STPG2: variants seen among roughly 807,000 people sequenced by gnomAD.
STPG2 encodes the protein sperm-tail PG-rich repeat-containing protein 2.
STPG2 carries 56 observed loss-of-function variants against 54.2 expected under a neutral mutation model. That is an observed-to-expected ratio of 1.03 (90% CI 0.83 to 1.29). The LOEUF is 1.29. STPG2 is among the 50% of genes most tolerant of loss of function. The pLI is 0.00. For synonymous variants in STPG2, 200 were observed against 181.8 expected, an observed-to-expected ratio of 1.10 and a Z score of -0.81; for missense variants, 596 against 544.9, an observed-to-expected ratio of 1.09 and a Z score of -0.93.
In STPG2 at chr4:97,449,077, AAAAAT is replaced by A. The variant is rs530980118; in HGVS notation, c.463-261249_463-261245del. ...ATATAATTTAAACTATACAAAAGTA[AAAAAT>A]AAAATAAAATATATAAAAGTTACAA... On this transcript the variant is annotated intron_variant, in intron 4 of 4. Transcript: ENST00000522676. 4.2e-3 allele frequency among the ~76,000 whole-genome samples: 643 copies of A among 152,082 alleles called. 3 individuals are homozygous for A. Among genetic ancestry groups the A allele is most frequent in the South Asian group, 0.02 (97 of 4,822 alleles).
At chr4:97,938,688 C>A (rs72686455) in intron 8 of STPG2, among the ~76,000 whole-genome samples, 176 of 152,298 alleles carry the variant, frequency 1.2e-3, no homozygotes, top group Non-Finnish European at 2.0e-3. Context: ...CTCACTGCCT[C>A]CCTTGGCTGG....
At chr4:97,564,175 T>C (rs1374311063) in intron 10 of STPG2, among the ~76,000 whole-genome samples, 1 of 152,172 alleles carries the variant, frequency 6.6e-6, no homozygotes, top group African/African-American at 2.4e-5. Flanking sequence ...TTGATCCCTT[T>C]ACCATTATGT....
intron 10 of STPG2, among the ~76,000 whole-genome samples, chr4:97,658,185 T>C (rs541745670): frequency 3.9e-5 from 6 of 152,322 alleles, no homozygotes; most frequent in South Asian, 2.1e-4. Flanking sequence ...ATAGCTGCTA[T>C]AATGTGCTTT....
chr4:97,779,407 A>G (rs1403667224), intron 9 of STPG2, among the ~76,000 whole-genome samples: 1 of 152,210 alleles, frequency 6.6e-6, no homozygotes, highest in Non-Finnish European at 1.5e-5. Flanking sequence ...GAAATGAACA[A>G]AGCCTCCAAG....
At chr4:98,068,911 T>C (rs1489957259) in intron 5 of STPG2, among the ~76,000 whole-genome samples, 3 of 152,088 alleles carry the variant, frequency 2.0e-5, no homozygotes, top group African/African-American at 7.2e-5. Context: ...TACCTAAACA[T>C]AGAAAAAGTA....
At chr4:97,809,772 GATTTCAAC>G (rs1165263755) in intron 9 of STPG2, among the ~76,000 whole-genome samples, 1 of 152,086 alleles carries the variant, frequency 6.6e-6, no homozygotes, top group East Asian at 1.9e-4. Context: ...TCAACATCTT[GATTTCAAC>G]ATTTTGAGAG....
intron 9 of STPG2, among the ~76,000 whole-genome samples, chr4:97,745,207 CATT>C (rs1725384106): frequency 6.9e-6 from 1 of 144,778 alleles, no homozygotes; most frequent in Non-Finnish European, 1.5e-5. Flanking sequence ...AAATTTAAGT[CATT>C]ATTACCTTTC....
At chr4:97,864,199 C>T (rs1729672638) in intron 8 of STPG2, among the ~76,000 whole-genome samples, 2 of 152,026 alleles carry the variant, frequency 1.3e-5, no homozygotes, top group Non-Finnish European at 2.9e-5. Flanking sequence ...CTAGAAAACC[C>T]CATTGACTCA....
At chr4:97,770,715 A>G (rs1031393154) in intron 9 of STPG2, among the ~76,000 whole-genome samples, 1 of 152,204 alleles carries the variant, frequency 6.6e-6, no homozygotes, top group Non-Finnish European at 1.5e-5. Flanking sequence ...TAGATTCCAC[A>G]GCACTTGCTG....
intron 10 of STPG2, among the ~76,000 whole-genome samples, chr4:97,616,914 T>G (rs990245289): frequency 6.6e-6 from 1 of 152,136 alleles, no homozygotes; most frequent in East Asian, 1.9e-4. Flanking sequence ...AGGGGGCATA[T>G]TATTTTAAAT....
intron 10 of STPG2, among the ~76,000 whole-genome samples, chr4:97,623,760 T>C (rs887820971): frequency 3.9e-5 from 6 of 152,146 alleles, no homozygotes; most frequent in Middle Eastern, 3.2e-3. Flanking sequence ...CCAGCATGCA[T>C]AGGTTATTTT....
chr4:98,025,605 T>C, intron 5 of STPG2: 5 of 751,460 alleles, frequency 6.7e-6, no homozygotes, highest in South Asian at 2.7e-5. Flanking sequence ...AGGGATATAA[T>C]AGTCTGTGCA....
chr4:97,568,273 C>T (rs1732506750), intron 10 of STPG2, among the ~76,000 whole-genome samples: 1 of 152,088 alleles, frequency 6.6e-6, no homozygotes, highest in Non-Finnish European at 1.5e-5. Flanking sequence ...GTATTACCAT[C>T]CTGAAACTTT....
chr4:97,809,694 G>A (rs1342278712), intron 9 of STPG2, among the ~76,000 whole-genome samples: 2 of 151,994 alleles, frequency 1.3e-5, no homozygotes, highest in Non-Finnish European at 2.9e-5. Context: ...AACTTAATTC[G>A]GCCAACAATC....
chr4:97,560,789 A>G (rs1287434730), intron 10 of STPG2, among the ~76,000 whole-genome samples: 1 of 152,198 alleles, frequency 6.6e-6, no homozygotes, highest in Non-Finnish European at 1.5e-5. Flanking sequence ...ATGTATTCTC[A>G]GAAGGTGACA....
At chr4:97,962,360 T>A (rs978782178) in intron 7 of STPG2, among the ~76,000 whole-genome samples, 11 of 151,494 alleles carry the variant, frequency 7.3e-5, no homozygotes, top group South Asian at 2.1e-4. Context: ...TGTGGAAATT[T>A]AAAAAAAAAT....
chr4:97,664,846 G>A (rs1294038955), intron 10 of STPG2, among the ~76,000 whole-genome samples: 4 of 151,910 alleles, frequency 2.6e-5, no homozygotes, highest in Admixed American at 2.0e-4. Context: ...GGCTGTATTT[G>A]GCTTGTGCTA....
chr4:97,828,318 C>T (rs1377204512), intron 9 of STPG2, among the ~76,000 whole-genome samples: 1 of 152,134 alleles, frequency 6.6e-6, no homozygotes, highest in Non-Finnish European at 1.5e-5. Context: ...CAAGGGAAGC[C>T]ATGAGGGACT....
chr4:97,706,802 A>G (rs938358140), intron 10 of STPG2, among the ~76,000 whole-genome samples: 1 of 152,220 alleles, frequency 6.6e-6, no homozygotes, highest in Non-Finnish European at 1.5e-5. Flanking sequence ...TTGGGGAGAA[A>G]GCCTTACAAG....
Sources: allele counts gnomAD v4.1 joint callset (sites outside exome capture counted in the v4.1 genomes callset), GRCh38; gene constraint gnomAD v4.1.1; transcripts MANE v1.5; gene names NCBI Gene and HGNC (gene_info 2026-07-23, HGNC 2026-07-21).